The following NCOA3 variants were observed in gnomAD, a reference collection of about 807,000 sequenced individuals.
NCOA3 encodes the protein nuclear receptor coactivator 3, also known as CBP-interacting protein.
Under a neutral mutation model 158.8 loss-of-function variants are expected in NCOA3, and 51 were observed. That is an observed-to-expected ratio of 0.32 (90% CI 0.26 to 0.41). The LOEUF (loss-of-function observed/expected upper bound fraction) is 0.41, where lower values mean the gene tolerates loss of function less well. Among genes scored for constraint, NCOA3 ranks in the 10% least tolerant of loss-of-function variants. The pLI is 1.00. For missense variants in NCOA3, 1,510 were observed against 1,746.6 expected, an observed-to-expected ratio of 0.86 and a Z score of 2.41; for synonymous variants, 537 against 592.4, an observed-to-expected ratio of 0.91 and a Z score of 1.36.
intron 2 of NCOA3, among the ~76,000 whole-genome samples, chr20:47,601,867 G>A (rs1048655479): frequency 1.3e-5 from 2 of 152,190 alleles, no homozygotes; most frequent in Non-Finnish European, 2.9e-5. Context: ...TATTGGACAT[G>A]AGTACATGAC....
chr20:47,584,039 G>A, intron 2 of NCOA3, among the ~76,000 whole-genome samples: 1 of 152,150 alleles, frequency 6.6e-6, no homozygotes, highest in East Asian at 1.9e-4. Context: ...TCACAACTAT[G>A]ATCCTAGCAC....
At chr20:47,575,814 A>G (rs1248567463) in intron 1 of NCOA3, among the ~76,000 whole-genome samples, 1 of 152,212 alleles carries the variant, frequency 6.6e-6, no homozygotes, top group Non-Finnish European at 1.5e-5. Context: ...CAGTGTGTTC[A>G]TTTAGGATTT....
At chr20:47,525,091 T>C (rs1298515586) in intron 1 of NCOA3, among the ~76,000 whole-genome samples, 41 of 146,298 alleles carry the variant, frequency 2.8e-4, no homozygotes, top group African/African-American at 1.0e-3. Flanking sequence ...CCTTCCGCAG[T>C]GTTTGTGTCC....
At chr20:47,557,824 T>C (rs2085031165) in intron 1 of NCOA3, among the ~76,000 whole-genome samples, 1 of 152,146 alleles carries the variant, frequency 6.6e-6, no homozygotes, top group African/African-American at 2.4e-5. Context: ...TGATTACAAC[T>C]AACAATATAC....
At chr20:47,645,464 T>C (rs1396563813) in intron 17 of NCOA3, among the ~76,000 whole-genome samples, 1 of 152,234 alleles carries the variant, frequency 6.6e-6, no homozygotes, top group Non-Finnish European at 1.5e-5. Flanking sequence ...TAAGTTTTTC[T>C]GTTCTGTTGA....
chr20:47,637,718 C>T lies in NCOA3; in HGVS notation c.2447C>T (p.Ser816Phe). The change falls in exon 13 of 23, where the codon TCC becomes TTC. Residue 816 changes from serine (S) to phenylalanine (F), a missense_variant. Coordinates refer to ENST00000371998, the MANE Select transcript of NCOA3 (RefSeq NM_181659.3). ...DLTSSDFYNN[S>F]ISSNGSHLGT... is the part of the protein sequence containing the mutation. ...ACTAGTTCTGACTTTTACAATAATT[C>T]CATATCCTCAAATGGTAGTCATCTG... The T allele has an allele frequency of 6.2e-7, 1 of 1,611,870 alleles. No individual in the cohort carries two copies. The highest frequency in any genetic ancestry group is 8.5e-7 in the Non-Finnish European group (1 of 1,178,738).
chr20:47,618,630 A>G (rs1464224570), intron 2 of NCOA3, among the ~76,000 whole-genome samples: 1 of 152,178 alleles, frequency 6.6e-6, no homozygotes, highest in African/African-American at 2.4e-5. Flanking sequence ...CTGGGATTAC[A>G]TGCATGAGGC....
intron 13 of NCOA3, among the ~76,000 whole-genome samples, chr20:47,638,066 A>T (rs911004448): frequency 6.6e-6 from 1 of 152,222 alleles, no homozygotes; most frequent in African/African-American, 2.4e-5. Context: ...TGAGTACTGT[A>T]GGTACTAGGG....
At chr20:47,653,297 C>A in intron 22 of NCOA3, 109 bp from the exon 23 acceptor site, 1 of 1,363,066 alleles carries the variant, frequency 7.3e-7, no homozygotes, top group Non-Finnish European at 1.0e-6. Flanking sequence ...AATCACTCAG[C>A]CAGAGCTGCA....
chr20:47,522,406 C>CT (rs3091963), intron 1 of NCOA3, among the ~76,000 whole-genome samples: 2,524 of 128,108 alleles, frequency 0.02, 30 homozygotes, highest in Admixed American at 0.027. Context: ...GCGCCCGGCC[C>CT]TTTTTTTTTT....
chr20:47,590,557 A>G lies in NCOA3; in HGVS notation c.-20+7296A>G, dbSNP rs185156323. ...AGAGGTAGATGAAGAAGAAAGGAAA[A>G]GGGCTTCCTCATATAGCCATCAGAA... On this transcript the variant is annotated intron_variant, in intron 2 of 22. Transcript: ENST00000371998. Among the ~76,000 whole-genome samples the G allele has an allele frequency of 5.7e-3, 867 of 152,342 alleles. 3 individuals are homozygous for G. Among genetic ancestry groups the G allele is most frequent in the Non-Finnish European group, 7.8e-3 (533 of 68,038 alleles).
At chr20:47,563,162 A>T (rs2085134984) in intron 1 of NCOA3, among the ~76,000 whole-genome samples, 1 of 152,356 alleles carries the variant, frequency 6.6e-6, no homozygotes, top group South Asian at 2.1e-4. Flanking sequence ...GGATGTTACG[A>T]ATTATTTTCC....
chr20:47,511,550 T>TATATATATATATATATAC lies in NCOA3; in HGVS notation c.-99+9537_-99+9538insATATATATATACATATAT. On this transcript the variant is annotated intron_variant, in intron 1 of 22. Coordinates refer to ENST00000371998, the MANE Select transcript of NCOA3 (RefSeq NM_181659.3). ...ATATATATATATATATATATATATA[T>TATATATATATATATATAC]ATATATTTCTTTTTTTTTTTGAGAC... 2.8e-3 allele frequency among the ~76,000 whole-genome samples: 144 copies of TATATATATATATATATAC among 52,262 alleles called. 4 individuals carry two copies. The highest frequency in any genetic ancestry group is 0.01 in the Middle Eastern group (1 of 96). 34.3% of individuals were successfully genotyped at this position (52,262 alleles called of 152,430 possible).
chr20:47,568,971 G>A (rs1279053571), intron 1 of NCOA3, among the ~76,000 whole-genome samples: 1 of 141,062 alleles, frequency 7.1e-6, no homozygotes, highest in Non-Finnish European at 1.5e-5. Flanking sequence ...TTTTTTTTTT[G>A]AGGCAGAGTT....
chr20:47,629,256 A>AT (rs1225509998), intron 8 of NCOA3, among the ~76,000 whole-genome samples: 2 of 152,004 alleles, frequency 1.3e-5, no homozygotes, highest in East Asian at 1.9e-4. Context: ...TTTGAGATTA[A>AT]TTTTCACAAT....
In NCOA3 at chr20:47,651,162, C is replaced by G. The variant is rs1175815814; in HGVS notation, c.3832C>G (p.Gln1278Glu). The G allele has an allele frequency of 1.2e-6, 2 of 1,614,054 alleles. No homozygotes were observed. Among genetic ancestry groups the G allele is most frequent in the African/African-American group, 1.3e-5 (1 of 74,992 alleles). The change falls in exon 20 of 23, where the codon CAG becomes GAG. Residue 1278 changes from glutamine to glutamate, a missense_variant. By Grantham distance (29) the Gln-to-Glu change is conservative (BLOSUM62 2). Around this residue, in one of 4 missense-constraint regions of NCOA3, gnomAD observed 180 missense variants for 199.3 expected, o/e 0.90. Coordinates refer to ENST00000371998, the MANE Select transcript of NCOA3 (RefSeq NM_181659.3). ...QQQQQQQQQT[Q>E]AFSPPPNVTA... ...GCAACAGCAGCAACAGCAGCAAACCCAGGCCTTCAGCCCACCTCCTAATGT... is the reference window on the plus strand; with the variant it reads ...GCAACAGCAGCAACAGCAGCAAACCGAGGCCTTCAGCCCACCTCCTAATGT...
At chr20:47,593,586 G>T (rs917698307) in intron 2 of NCOA3, among the ~76,000 whole-genome samples, 1 of 150,438 alleles carries the variant, frequency 6.6e-6, no homozygotes, top group East Asian at 2.0e-4. Context: ...CTCGTGATCC[G>T]CCTGCCTCGG....
At chr20:47,570,984 A>ATATGTGTGTGTGTG (rs1555805798) in intron 1 of NCOA3, among the ~76,000 whole-genome samples, 1 of 120,760 alleles carries the variant, frequency 8.3e-6, no homozygotes, top group African/African-American at 3.3e-5. Context: ...ATATACATAT[A>ATATGTGTGTGTGTG]TGTGTGTGTG....
chr20:47,587,428 T>C (rs535959077), intron 2 of NCOA3, among the ~76,000 whole-genome samples: 1 of 152,340 alleles, frequency 6.6e-6, no homozygotes, highest in East Asian at 1.9e-4. Context: ...TATGCATGCT[T>C]ATACACATAC....
Sources: allele counts gnomAD v4.1 joint callset (sites outside exome capture counted in the v4.1 genomes callset), GRCh38; gene constraint gnomAD v4.1.1; regional missense constraint gnomAD v4.1.1; transcripts MANE v1.5; gene names NCBI Gene and HGNC (gene_info 2026-07-23, HGNC 2026-07-21).